The following FRMD3 variants were observed in gnomAD, a reference collection of about 807,000 sequenced individuals.
The protein encoded by FRMD3 is FERM domain-containing protein 3.
In FRMD3, 33 loss-of-function variants were observed where a neutral mutation model predicts 70.2. That is an observed-to-expected ratio of 0.47 (90% CI 0.36 to 0.63). The LOEUF is 0.63. FRMD3 is among the 20% of genes least tolerant of loss of function. FRMD3 has a pLI of 0.00. For synonymous variants in FRMD3, 279 were observed against 255.9 expected (o/e 1.09, Z -0.86); for missense variants, 632 against 711.4 (o/e 0.89, Z 1.27).
chr9:83,512,480 G>A (rs1208729318), intron 1 of FRMD3, among the ~76,000 whole-genome samples: 4 of 152,148 alleles, frequency 2.6e-5, no homozygotes, highest in Non-Finnish European at 5.9e-5. Context: ...GTGTGTCTTG[G>A]GGCATTAAAA....
At position 83,490,828 on chromosome 9, in the gene FRMD3, A is replaced by C. The variant is rs1050749993; in HGVS notation, c.147+47257T>G. Among the ~76,000 whole-genome samples, 211 of 146,006 alleles carry C rather than the reference A, an allele frequency of 1.4e-3. 3 individuals carry two copies. Among genetic ancestry groups the C allele is most frequent in the African/African-American group, 5.2e-3 (203 of 39,154 alleles). The stretch of plus-strand genomic sequence containing the variant: ...CACACACACACACACACACACACAC[A>C]CCATTCCTTGTCAGTGCCAATAGCA... On this transcript the variant is annotated intron_variant, in intron 1 of 13. Transcript: ENST00000304195.
intron 3 of FRMD3, among the ~76,000 whole-genome samples, chr9:83,361,226 C>CT (rs999028034): frequency 6.6e-5 from 10 of 152,038 alleles, no homozygotes; most frequent in Middle Eastern, 3.4e-3. Context: ...GTATGTTTTG[C>CT]TTTTTTTTGT....
chr9:83,355,823 CAG>C (rs2131203126), intron 3 of FRMD3, among the ~76,000 whole-genome samples: 1 of 152,310 alleles, frequency 6.6e-6, no homozygotes, highest in South Asian at 2.1e-4. Context: ...GTGCTAAAAA[CAG>C]AGCATACCAC....
At chr9:83,479,762 G>GAAAAAA (rs1828517049) in intron 1 of FRMD3, among the ~76,000 whole-genome samples, 1 of 70,216 alleles carries the variant, frequency 1.4e-5, no homozygotes, top group African/African-American at 6.6e-5. Context: ...GAAGAAGAAG[G>GAAAAAA]GAGGGAGGGA....
intron 2 of FRMD3, among the ~76,000 whole-genome samples, chr9:83,381,119 C>T (rs539953062): frequency 1.8e-4 from 27 of 152,266 alleles, no homozygotes; most frequent in Non-Finnish European, 3.4e-4. Flanking sequence ...AAGGCTATAG[C>T]GAGGCCTAGT....
In FRMD3 at chr9:83,406,435, A is replaced by C. The variant is rs1344460538; in HGVS notation, c.148-16727T>G. On this transcript the variant is annotated intron_variant, in intron 1 of 13. Transcript: ENST00000304195. ...TCTCCACTGCAGAACTTATACATAT[A>C]TGCTTTGTGCACACAAAGAAAAACA... Among the ~76,000 whole-genome samples the C allele has an allele frequency of 3.9e-5, 6 of 152,202 alleles. No individual in the cohort carries two copies. In the East Asian group the frequency reaches 1.2e-3, roughly 29 times the overall value.
At chr9:83,550,190 C>A in the FRMD3 span, among the ~76,000 whole-genome samples, 2 of 152,114 alleles carry the variant, frequency 1.3e-5, no homozygotes, top group Admixed American at 1.3e-4. Context: ...ATCCCAGAAC[C>A]ATTTATTGAA....
chr9:83,574,737 T>C, the FRMD3 span, among the ~76,000 whole-genome samples: 1 of 152,096 alleles, frequency 6.6e-6, no homozygotes, highest in Non-Finnish European at 1.5e-5. Flanking sequence ...TCTATTTTGG[T>C]CCAGGAAGCT....
chr9:83,340,824 G>C (rs1348066262), intron 5 of FRMD3, among the ~76,000 whole-genome samples: 2 of 152,094 alleles, frequency 1.3e-5, no homozygotes, highest in Non-Finnish European at 2.9e-5. Flanking sequence ...TCAAACTCCT[G>C]GCCTCAAGAA....
At chr9:83,475,845 G>A (rs1171391781) in intron 1 of FRMD3, among the ~76,000 whole-genome samples, 1 of 152,072 alleles carries the variant, frequency 6.6e-6, no homozygotes, top group Non-Finnish European at 1.5e-5. Context: ...GCTATTGGGA[G>A]GAATAAATGA....
intron 1 of FRMD3, among the ~76,000 whole-genome samples, chr9:83,414,885 G>GCAA (rs1330439392): frequency 7.9e-5 from 12 of 152,334 alleles, no homozygotes; most frequent in Admixed American, 4.6e-4. Context: ...GACAGTGTGT[G>GCAA]CAACTTAGAA....
At chr9:83,579,947 G>T in the FRMD3 span, among the ~76,000 whole-genome samples, 1 of 151,906 alleles carries the variant, frequency 6.6e-6, no homozygotes, top group Non-Finnish European at 1.5e-5. Flanking sequence ...AAAACAAATA[G>T]CCCAATTTAA....
intron 1 of FRMD3, among the ~76,000 whole-genome samples, chr9:83,529,704 A>T (rs1226561326): frequency 6.6e-6 from 1 of 152,356 alleles, no homozygotes; most frequent in South Asian, 2.1e-4. Context: ...AAAGTAAAAG[A>T]TATCCCACAG....
intron 13 of FRMD3, among the ~76,000 whole-genome samples, chr9:83,260,306 C>G (rs897886912): frequency 6.6e-6 from 1 of 152,092 alleles, no homozygotes; most frequent in Admixed American, 6.6e-5. Context: ...AGCAACAGAG[C>G]GGAGGTTTGT....
At chr9:83,349,446 A>T (rs1824071528) in intron 4 of FRMD3, among the ~76,000 whole-genome samples, 1 of 152,168 alleles carries the variant, frequency 6.6e-6, no homozygotes, top group Admixed American at 6.5e-5. Context: ...CACCTCCCCC[A>T]TCATAGCCAG....
intron 7 of FRMD3, among the ~76,000 whole-genome samples, chr9:83,312,762 C>A (rs946142139): frequency 3.3e-5 from 5 of 151,350 alleles, no homozygotes; most frequent in African/African-American, 1.2e-4. Flanking sequence ...CGCCGCCCTG[C>A]GCCCCGCCCC....
Position 83,272,878 on chromosome 9 carries a change from G to A in FRMD3, c.1195+17725C>T, listed in dbSNP as rs563465073. Reference sequence around the variant, plus strand: ...GCGTCTCTGCCCGGCCACCCCGTCCGAGAAGTGAGGAGCCCCTCCGCCCGG... The same window carrying A: ...GCGTCTCTGCCCGGCCACCCCGTCCAAGAAGTGAGGAGCCCCTCCGCCCGG... On this transcript the variant is annotated intron_variant, in intron 13 of 13. Transcript: ENST00000304195. Among the ~76,000 whole-genome samples the A allele has an allele frequency of 4.7e-5, 7 of 148,798 alleles. No homozygotes were observed. In the East Asian group the frequency reaches 1.0e-3, roughly 22 times the overall value.
At chr9:83,524,617 G>A (rs1468327004) in intron 1 of FRMD3, among the ~76,000 whole-genome samples, 2 of 152,074 alleles carry the variant, frequency 1.3e-5, no homozygotes, top group Non-Finnish European at 2.9e-5. Context: ...CAAAATAATG[G>A]TGGTATTTAG....
intron 13 of FRMD3, among the ~76,000 whole-genome samples, chr9:83,268,996 T>A (rs777339593): frequency 1.3e-4 from 20 of 152,244 alleles, no homozygotes; most frequent in Admixed American, 5.2e-4. Flanking sequence ...CCAGGACTAG[T>A]ACCTACTACA....
Sources: gnomAD v4.1 joint callset for allele counts (sites outside exome capture counted in the v4.1 genomes callset) on GRCh38, gnomAD v4.1.1 for gene constraint, MANE v1.5 for transcripts, NCBI Gene and HGNC (gene_info 2026-07-23, HGNC 2026-07-21) for gene names.